Variants in PUS7 observed in about 807,000 individuals in gnomAD.
PUS7 encodes pseudouridine synthase 7, also known as pseudouridylate synthase 7 homolog.
A neutral mutation model predicts 79.8 loss-of-function variants in PUS7; 48 were observed. The observed-to-expected ratio is 0.60, with a 90% CI of 0.48 to 0.76. The LOEUF (loss-of-function observed/expected upper bound fraction) is 0.76, where lower values mean the gene tolerates loss of function less well. PUS7 is among the 30% of genes least tolerant of loss of function. PUS7 has a pLI of 0.00. For missense variants in PUS7, 729 were observed against 797.6 expected (o/e 0.91, Z 1.04); for synonymous variants, 286 against 272.2 (o/e 1.05, Z -0.50).
intron 1 of PUS7, among the ~76,000 whole-genome samples, 153 bp from the exon 2 acceptor site, chr7:105,508,697 T>C (rs1219400242): frequency 6.6e-6 from 1 of 150,406 alleles, no homozygotes. Context: ...CTGGCCAACA[T>C]GGTGAAACCT....
intron 4 of PUS7, 103 bp from the exon 5 acceptor site, chr7:105,502,667 A>C: frequency 7.9e-7 from 1 of 1,271,158 alleles, no homozygotes; most frequent in Non-Finnish European, 1.1e-6. Context: ...TTAACTACGC[A>C]AAATAACAAA....
chr7:105,518,204 T>C (rs1825968387), intron 1 of PUS7, among the ~76,000 whole-genome samples: 1 of 151,930 alleles, frequency 6.6e-6, no homozygotes, highest in African/African-American at 2.4e-5. Flanking sequence ...TCCCAGCTAC[T>C]TGTGAGGCTG....
intron 14 of PUS7, among the ~76,000 whole-genome samples, chr7:105,459,719 G>A (rs970797379): frequency 6.6e-6 from 1 of 151,916 alleles, no homozygotes; most frequent in Non-Finnish European, 1.5e-5. Flanking sequence ...ATTATAACGT[G>A]AGCCACTGTG....
rs1371462843 is a variant in PUS7 at position 105,484,772 on chromosome 7, C to A, written c.921-2332G>T. ...GGCAGAGGTTGCAGTGAGCTGAGAT[C>A]GTGCCACTGCACTCCAGCTTGGCTG... On this transcript the variant is annotated intron_variant, in intron 7 of 15. Transcript: ENST00000469408. 2.7e-5 allele frequency among the ~76,000 whole-genome samples: 4 copies of A among 146,688 alleles called. 1 individual carries two copies. The highest frequency in any genetic ancestry group is 4.5e-5 in the Non-Finnish European group (3 of 67,138).
chr7:105,471,716 C>T (rs1472420923), intron 10 of PUS7, among the ~76,000 whole-genome samples: 14 of 152,020 alleles, frequency 9.2e-5, no homozygotes, highest in Admixed American at 9.2e-4. Context: ...AGTTCGAGAC[C>T]AGCCTGGCCA....
chr7:105,471,120 C>T (rs916015137), intron 10 of PUS7, among the ~76,000 whole-genome samples: 1 of 152,194 alleles, frequency 6.6e-6, no homozygotes, highest in Non-Finnish European at 1.5e-5. Context: ...GACAAAAACA[C>T]GCTAGTACTT....
intron 5 of PUS7, among the ~76,000 whole-genome samples, chr7:105,501,967 A>AT (rs1362806460): frequency 9.0e-5 from 9 of 99,594 alleles, no homozygotes; most frequent in African/African-American, 3.0e-4. Context: ...AAAAAAAAAA[A>AT]AAATATATAT....
At chr7:105,495,338 G>C (rs763816577) in intron 5 of PUS7, 85 bp from the exon 6 acceptor site, 79 of 775,380 alleles carry the variant, frequency 1.0e-4, no homozygotes, top group Non-Finnish European at 1.6e-4. Context: ...GAACCTTTGA[G>C]TGGAAAATCA....
At chr7:105,512,723 A>G (rs1825748900) in intron 1 of PUS7, among the ~76,000 whole-genome samples, 1 of 152,176 alleles carries the variant, frequency 6.6e-6, no homozygotes, top group Non-Finnish European at 1.5e-5. Flanking sequence ...TGAAAACCAG[A>G]CCAGCACTGA....
chr7:105,459,281 ATAAGTGTGAATGT>A, intron 14 of PUS7, 22 bp from the exon 15 acceptor site: 1 of 1,509,976 alleles, frequency 6.6e-7, no homozygotes. Context: ...ATGAATAAAG[ATAAGTGTGAATGT>A]GAACTTTCAT....
intron 6 of PUS7, among the ~76,000 whole-genome samples, chr7:105,493,541 C>T (rs1824883218): frequency 6.6e-6 from 1 of 152,178 alleles, no homozygotes. Flanking sequence ...GTGTCTCCCC[C>T]AAAATTAGTA....
At chr7:105,489,045 C>G (rs192805260) in intron 7 of PUS7, among the ~76,000 whole-genome samples, 6,701 of 149,682 alleles carry the variant, frequency 0.045, 210 homozygotes, top group South Asian at 0.12. Context: ...CTACTCAGGA[C>G]GCTGAGGCAG....
intron 14 of PUS7, 196 bp downstream of exon 14, chr7:105,462,425 C>T (rs1230389927): frequency 1.5e-5 from 8 of 536,450 alleles, no homozygotes; most frequent in African/African-American, 8.3e-5. Flanking sequence ...AGTGAAACTC[C>T]GTCTCAAAAA....
At chr7:105,505,354 C>T (rs1402011341) in intron 4 of PUS7, among the ~76,000 whole-genome samples, 3 of 152,164 alleles carry the variant, frequency 2.0e-5, no homozygotes, top group African/African-American at 7.2e-5. Context: ...GCTGAGCTCT[C>T]CTTTTCTTCA....
At chr7:105,482,590 G>A (rs978939011) in intron 7 of PUS7, 150 bp from the exon 8 acceptor site, 1 of 736,942 alleles carries the variant, frequency 1.4e-6, no homozygotes, top group Admixed American at 2.9e-5. Context: ...GGTGAGGTGG[G>A]CGTGTCCTTC....
intron 7 of PUS7, among the ~76,000 whole-genome samples, chr7:105,482,931 G>GA (rs1375001638): frequency 2.0e-5 from 3 of 152,046 alleles, no homozygotes; most frequent in East Asian, 1.9e-4. Flanking sequence ...TTCATTGCCT[G>GA]AAAAAAATTT....
rs777904391 is a variant in PUS7 at position 105,495,151 on chromosome 7, T to G, written c.833A>C (p.Lys278Thr). The G allele has an allele frequency of 6.3e-7, 1 of 1,579,686 alleles. No homozygotes were observed. The change falls in exon 6 of 16, where the codon AAA becomes ACA. Residue 278 changes from lysine (K) to threonine (T), a missense_variant. Transcript: ENST00000469408. ...AACAACAGTAACTCACCTTAAGTAT[T>G]TGGAGAGTACATTAATAGCATCCAT... ...DTMDAINVLS[K>T]YLRVKPNIFS...
Position 105,468,376 on chromosome 7 carries a change from C to G in PUS7, c.1486G>C (p.Gly496Arg). 6.2e-7 allele frequency: 1 copy of G among 1,613,752 alleles called. No homozygotes were observed. Among genetic ancestry groups the G allele is most frequent in the Non-Finnish European group, 8.5e-7 (1 of 1,179,876 alleles). Residue 496 changes from glycine to arginine, a missense_variant, in exon 12 of 16, where the codon GGA becomes CGA. Gly to Arg is a moderately radical substitution (Grantham distance 125). Coordinates refer to ENST00000469408, the MANE Select transcript of PUS7 (RefSeq NM_019042.5). ...NMVSKRIEDY[G>R]LKPVPGDLVL... ...AGGTCCCCTGGAACAGGTTTTAGTC[C>G]ATAGTCTTCTATCCTCTTGCTTACC...
At chr7:105,469,742 G>A (rs1823798344) in intron 11 of PUS7, among the ~76,000 whole-genome samples, 1 of 152,222 alleles carries the variant, frequency 6.6e-6, no homozygotes, top group African/African-American at 2.4e-5. Flanking sequence ...TTACAGGCGT[G>A]AGCCACTGCG....
Sources: gnomAD v4.1 joint callset for allele counts (sites outside exome capture counted in the v4.1 genomes callset) on GRCh38, gnomAD v4.1.1 for gene constraint, MANE v1.5 for transcripts, NCBI Gene and HGNC (gene_info 2026-07-23, HGNC 2026-07-21) for gene names.